DSCAM: variants seen among roughly 807,000 people sequenced by gnomAD.
DSCAM encodes the protein DS cell adhesion molecule.
Under a neutral mutation model 217.7 loss-of-function variants are expected in DSCAM, and 47 were observed. The ratio of observed to expected loss-of-function variants is 0.22; its 90% CI spans 0.17 to 0.28. DSCAM has a LOEUF of 0.28. DSCAM is among the 10% of genes least tolerant of loss of function. The pLI is 1.00. For synonymous variants in DSCAM, 1,056 were observed against 1,015.3 expected (o/e 1.04, Z -0.76); for missense variants, 2,080 against 2,618.3 (o/e 0.79, Z 4.49).
At chr21:40,155,280 C>T (rs143048989) in intron 16 of DSCAM, among the ~76,000 whole-genome samples, 73 of 152,280 alleles carry the variant, frequency 4.8e-4, no homozygotes, top group African/African-American at 1.2e-3. Context: ...CTGGGAATAC[C>T]CCCACCTAGC....
At chr21:40,533,500 T>TCCAA (rs1330517990) in intron 3 of DSCAM, among the ~76,000 whole-genome samples, 1 of 149,502 alleles carries the variant, frequency 6.7e-6, no homozygotes, top group African/African-American at 2.5e-5. Flanking sequence ...CATCCATCCA[T>TCCAA]CCAACCAGCC....
intron 11 of DSCAM, among the ~76,000 whole-genome samples, chr21:40,198,771 T>C (rs1229764385): frequency 6.6e-6 from 1 of 152,212 alleles, no homozygotes; most frequent in Non-Finnish European, 1.5e-5. Flanking sequence ...TGGGATGACA[T>C]GGGAGCTGTG....
chr21:40,478,521 A>T (rs2075956249), intron 3 of DSCAM, among the ~76,000 whole-genome samples: 1 of 152,208 alleles, frequency 6.6e-6, no homozygotes, highest in Non-Finnish European at 1.5e-5. Context: ...CATTGTACTA[A>T]AATTATAGCC....
intron 3 of DSCAM, among the ~76,000 whole-genome samples, chr21:40,600,205 G>A (rs1012250430): frequency 6.6e-6 from 1 of 152,122 alleles, no homozygotes; most frequent in African/African-American, 2.4e-5. Context: ...AGCTAGCTTG[G>A]GTTGCTATAA....
At chr21:40,273,677 A>G (rs1270941694) in intron 11 of DSCAM, among the ~76,000 whole-genome samples, 1 of 152,198 alleles carries the variant, frequency 6.6e-6, no homozygotes, top group East Asian at 1.9e-4. Flanking sequence ...AAAGTGCCAT[A>G]CATTGGTGGC....
rs532224810 is a variant in DSCAM at position 40,293,827 on chromosome 21, G to GA, written c.2182+2227dup. Among the ~76,000 whole-genome samples the GA allele has an allele frequency of 2.6e-4, 38 of 147,058 alleles. 1 individual carries two copies. The highest frequency in any genetic ancestry group is 7.0e-3 in the Middle Eastern group (2 of 286). ...GCGACAGAGCAAGACTCTGTCTCCA[G>GA]AAAAAAAAAAGTCATATTAAGCACC... is the stretch of plus-strand genomic sequence containing the variant. On this transcript the variant is annotated intron_variant, in intron 10 of 32. Coordinates refer to ENST00000400454, the MANE Select transcript of DSCAM (RefSeq NM_001389.5).
At chr21:40,140,302 A>C (rs910744006) in intron 18 of DSCAM, among the ~76,000 whole-genome samples, 1 of 152,168 alleles carries the variant, frequency 6.6e-6, no homozygotes, top group Non-Finnish European at 1.5e-5. Flanking sequence ...CCATGAGTGA[A>C]AGTATCTTTA....
At chr21:40,487,232 A>ACT (rs764459595) in intron 3 of DSCAM, among the ~76,000 whole-genome samples, 6 of 109,234 alleles carry the variant, frequency 5.5e-5, no homozygotes, top group African/African-American at 9.8e-5. Context: ...ATAACCTGTA[A>ACT]CTCTCTCTCT....
chr21:40,794,479 G>A (rs888245268), intron 1 of DSCAM, among the ~76,000 whole-genome samples: 2 of 150,774 alleles, frequency 1.3e-5, no homozygotes, highest in African/African-American at 4.9e-5. Flanking sequence ...ACTTTGTTTT[G>A]CGATATACTG....
At chr21:40,660,828 G>A (rs914338135) in intron 3 of DSCAM, among the ~76,000 whole-genome samples, 6 of 152,230 alleles carry the variant, frequency 3.9e-5, no homozygotes, top group East Asian at 1.9e-4. Context: ...AAAATCAACC[G>A]ACAATAACAG....
intron 24 of DSCAM, among the ~76,000 whole-genome samples, chr21:40,083,160 G>T (rs1274061990): frequency 2.0e-5 from 3 of 152,226 alleles, no homozygotes; most frequent in African/African-American, 7.2e-5. Flanking sequence ...CGGGCGTGGT[G>T]GCTCACGCCT....
In DSCAM at chr21:40,553,459, TTA is replaced by T. The variant is rs1476632293; in HGVS notation, c.508+139349_508+139350del. Among the ~76,000 whole-genome samples, 8 of 151,704 alleles carry T rather than the reference TTA, an allele frequency of 5.3e-5. 1 individual carries two copies. In the South Asian group the frequency reaches 1.2e-3, roughly 24 times the overall value. On this transcript the variant is annotated intron_variant, in intron 3 of 32. Transcript: ENST00000400454. ...GATGCAAGGTTTCAGGAGGTATCAG[TTA>T]TTTGTGTACAGGACACATCCCAAGG...
chr21:40,323,219 A>G (rs2074280123), intron 8 of DSCAM, among the ~76,000 whole-genome samples: 2 of 152,116 alleles, frequency 1.3e-5, no homozygotes, highest in African/African-American at 4.8e-5. Flanking sequence ...GTTGTTGATC[A>G]TAAGGCACTC....
intron 20 of DSCAM, among the ~76,000 whole-genome samples, chr21:40,097,940 CAA>C (rs1311731207): frequency 9.9e-5 from 1 of 10,124 alleles, no homozygotes; most frequent in African/African-American, 5.1e-4. Context: ...GACTCTGTCT[CAA>C]AAAAAAAAAA....
rs115467903 is a variant in DSCAM, at chr21:40,139,399, A to G, written c.3406+3159T>C. 1.6e-3 allele frequency among the ~76,000 whole-genome samples: 237 copies of G among 152,138 alleles called. 1 individual carries two copies. Among genetic ancestry groups the G allele is most frequent in the African/African-American group, 5.3e-3 (218 of 41,460 alleles). ...CGGTCTGGAAGGCAGGACAACCTGA[A>G]GCAAAGGCAAGAAGACAGGAAGCGG... On this transcript the variant is annotated intron_variant, in intron 18 of 32. Coordinates refer to ENST00000400454, the MANE Select transcript of DSCAM (RefSeq NM_001389.5).
At chr21:40,364,401 C>T (rs1476661089) in intron 4 of DSCAM, among the ~76,000 whole-genome samples, 3 of 151,460 alleles carry the variant, frequency 2.0e-5, no homozygotes, top group African/African-American at 2.4e-5. Context: ...AGCTGGAAAC[C>T]ATCATTCTCA....
chr21:40,337,895 T>C (rs553889170), intron 8 of DSCAM, among the ~76,000 whole-genome samples: 4 of 152,344 alleles, frequency 2.6e-5, no homozygotes, highest in Admixed American at 6.5e-5. Flanking sequence ...AAATTCCACC[T>C]GGAGAGAAAA....
chr21:40,214,690 T>C (rs1601448480), intron 11 of DSCAM, among the ~76,000 whole-genome samples: 1 of 118,986 alleles, frequency 8.4e-6, no homozygotes, highest in Non-Finnish European at 1.7e-5. Flanking sequence ...AAACAAGGAG[T>C]AGCGATTCTG....
At chr21:40,345,903 G>T (rs1032571331) in intron 6 of DSCAM, among the ~76,000 whole-genome samples, 1 of 151,692 alleles carries the variant, frequency 6.6e-6, no homozygotes, top group African/African-American at 2.4e-5. Flanking sequence ...CTGGCGGTGC[G>T]CCTCGGCCCC....
Sources: gnomAD v4.1 joint callset for allele counts (sites outside exome capture counted in the v4.1 genomes callset) on GRCh38, gnomAD v4.1.1 for gene constraint, MANE v1.5 for transcripts, NCBI Gene and HGNC (gene_info 2026-07-23, HGNC 2026-07-21) for gene names.